RYR3: variants seen among roughly 807,000 people sequenced by gnomAD.
RYR3 encodes the protein ryanodine receptor 3, also known as brain ryanodine receptor-calcium release channel.
In RYR3, 207 loss-of-function variants were observed where a neutral mutation model predicts 584.3. The observed-to-expected ratio is 0.35, with a 90% CI of 0.32 to 0.40. The LOEUF is 0.40. RYR3 is among the 10% of genes least tolerant of loss of function. RYR3 has a pLI of 1.00. For synonymous variants in RYR3, 2,416 were observed against 2,248.5 expected (o/e 1.07, Z -2.11); for missense variants, 5,616 against 6,089.2 (o/e 0.92, Z 2.59).
chr15:33,355,251 C>T (rs1423427690), intron 1 of RYR3, among the ~76,000 whole-genome samples: 3 of 149,840 alleles, frequency 2.0e-5, no homozygotes, highest in African/African-American at 7.4e-5. Context: ...TTTTCCAAAA[C>T]ACAAAGCATG....
At chr15:33,717,102 C>A (rs2152801958) in intron 43 of RYR3, among the ~76,000 whole-genome samples, 1 of 152,278 alleles carries the variant, frequency 6.6e-6, no homozygotes, top group South Asian at 2.1e-4. Context: ...TAGCACAATT[C>A]TGCGATTAAA....
intron 69 of RYR3, 177 bp downstream of exon 69, chr15:33,802,138 G>A (rs758638340): frequency 6.7e-6 from 5 of 750,142 alleles, no homozygotes; most frequent in East Asian, 2.5e-5. Context: ...TCTCAAATAA[G>A]CATGGTCATC....
At chr15:33,769,256 C>T (rs1393905993) in intron 62 of RYR3, 84 bp downstream of exon 62, 6 of 1,005,866 alleles carry the variant, frequency 6.0e-6, no homozygotes, top group Non-Finnish European at 1.6e-6. Flanking sequence ...GAAGAGAAGA[C>T]AGATCGCTGC....
chr15:33,590,017 G>A (rs986312325), intron 16 of RYR3, among the ~76,000 whole-genome samples: 1 of 152,098 alleles, frequency 6.6e-6, no homozygotes, highest in African/African-American at 2.4e-5. Context: ...AGAGATAGGG[G>A]TGGGGCCATT....
chr15:33,467,163 C>T (rs2048555911), intron 1 of RYR3, among the ~76,000 whole-genome samples: 1 of 152,208 alleles, frequency 6.6e-6, no homozygotes, highest in Admixed American at 6.5e-5. Context: ...GAAACATCTT[C>T]CCTTTTAAAG....
At chr15:33,763,635 G>C (rs1325538308) in intron 60 of RYR3, among the ~76,000 whole-genome samples, 3 of 152,150 alleles carry the variant, frequency 2.0e-5, no homozygotes, top group Non-Finnish European at 4.4e-5. Flanking sequence ...GCTCATGCCT[G>C]TAAACCCAGC....
intron 94 of RYR3, chr15:33,852,092 C>G (rs1027715854): frequency 2.0e-5 from 2 of 100,966 alleles, no homozygotes; most frequent in Non-Finnish European, 4.3e-5. Context: ...TAGGAGGTCT[C>G]CATTTCCTTA....
intron 86 of RYR3, among the ~76,000 whole-genome samples, chr15:33,833,699 G>A (rs911190281): frequency 1.3e-5 from 2 of 152,184 alleles, no homozygotes; most frequent in African/African-American, 4.8e-5. Context: ...GTTTCTTTCA[G>A]AAACCAGCTT....
intron 1 of RYR3, among the ~76,000 whole-genome samples, chr15:33,341,626 A>T (rs1322333874): frequency 6.6e-6 from 1 of 151,980 alleles, no homozygotes; most frequent in Non-Finnish European, 1.5e-5. Flanking sequence ...GCAGGAGGGG[A>T]GGGGTTGTTC....
At chr15:33,371,138 C>T (rs1422664629) in intron 1 of RYR3, among the ~76,000 whole-genome samples, 4 of 152,294 alleles carry the variant, frequency 2.6e-5, no homozygotes, top group South Asian at 2.1e-4. Flanking sequence ...CTGGTAACAG[C>T]TCTTTGAGAG....
At chr15:33,823,142 G>A (rs2077198172) in intron 81 of RYR3, 70 bp downstream of exon 81, 2 of 1,323,796 alleles carry the variant, frequency 1.5e-6, no homozygotes, top group Admixed American at 1.9e-5. Flanking sequence ...AGGGGAAGGG[G>A]AGCACAAAAT....
intron 86 of RYR3, among the ~76,000 whole-genome samples, chr15:33,831,789 T>G (rs1288501035): frequency 1.3e-5 from 2 of 151,654 alleles, no homozygotes; most frequent in Non-Finnish European, 2.9e-5. Context: ...GATACAAGAT[T>G]TTTTTTTAAA....
chr15:33,389,570 A>G (rs1369761779), intron 1 of RYR3, among the ~76,000 whole-genome samples: 1 of 152,250 alleles, frequency 6.6e-6, no homozygotes. Context: ...GATTAAAAGT[A>G]AAACTGTCTC....
At chr15:33,678,828 C>G (rs1375637745) in intron 38 of RYR3, among the ~76,000 whole-genome samples, 1 of 152,154 alleles carries the variant, frequency 6.6e-6, no homozygotes, top group Admixed American at 6.5e-5. Context: ...CACCCAAGAA[C>G]AATGCTCCGG....
At chr15:33,422,167 T>A (rs1023499431) in intron 1 of RYR3, among the ~76,000 whole-genome samples, 5 of 152,170 alleles carry the variant, frequency 3.3e-5, no homozygotes, top group Admixed American at 3.3e-4. Flanking sequence ...GTGGGGGTGA[T>A]CCTTTGAGGC....
intron 68 of RYR3, among the ~76,000 whole-genome samples, chr15:33,801,272 A>G (rs892916419): frequency 6.6e-6 from 1 of 152,226 alleles, no homozygotes; most frequent in Non-Finnish European, 1.5e-5. Flanking sequence ...CTGAGTTAAG[A>G]CAAAGGATTG....
At chr15:33,669,523 A>G (rs1231828761) in intron 37 of RYR3, 67 bp downstream of exon 37, 1 of 1,386,712 alleles carries the variant, frequency 7.2e-7, no homozygotes, top group Non-Finnish European at 1.0e-6. Flanking sequence ...TTCCTTCATT[A>G]GAAAGCTAGT....
At chr15:33,355,783 A>G (rs1322483432) in intron 1 of RYR3, among the ~76,000 whole-genome samples, 55 of 152,308 alleles carry the variant, frequency 3.6e-4, no homozygotes, top group South Asian at 2.1e-4. Flanking sequence ...ACCGGTGCCA[A>G]TGATATTCAT....
intron 1 of RYR3, among the ~76,000 whole-genome samples, chr15:33,420,213 G>A (rs1206404089): frequency 6.6e-6 from 1 of 152,092 alleles, no homozygotes; most frequent in African/African-American, 2.4e-5. Context: ...AGTGGGAGAG[G>A]GGAAATGGAT....
Sources: allele counts gnomAD v4.1 joint callset (sites outside exome capture counted in the v4.1 genomes callset), GRCh38; gene constraint gnomAD v4.1.1; transcripts MANE v1.5; gene names NCBI Gene and HGNC (gene_info 2026-07-23, HGNC 2026-07-21).